The following CSMD1 variants were observed in gnomAD, a reference collection of about 807,000 sequenced individuals.
The protein encoded by CSMD1 is CUB and sushi domain-containing protein 1.
In CSMD1, 213 loss-of-function variants were observed where a neutral mutation model predicts 417.5. The observed-to-expected ratio is 0.51, with a 90% CI of 0.46 to 0.57. CSMD1 has a LOEUF of 0.57. Ranked by LOEUF, CSMD1 falls within the 20% of genes least tolerant of loss-of-function variation. The pLI is 0.00. For synonymous variants in CSMD1, 2,862 were observed against 1,736.8 expected (o/e 1.65, Z -16.11); for missense variants, 6,923 against 4,529.7 (o/e 1.53, Z -15.17).
chr8:3,259,391 G>A (rs866747477), intron 26 of CSMD1, among the ~76,000 whole-genome samples: 3 of 151,740 alleles, frequency 2.0e-5, no homozygotes, highest in Non-Finnish European at 4.4e-5. Context: ...GCAGGTTTAC[G>A]GACACTCAGT....
chr8:4,879,634 G>C (rs1803270133), intron 1 of CSMD1, among the ~76,000 whole-genome samples: 1 of 151,954 alleles, frequency 6.6e-6, no homozygotes. Context: ...CAGTTAAAGA[G>C]CCAGAATAGG....
At chr8:3,153,606 G>C (rs536892639) in intron 39 of CSMD1, among the ~76,000 whole-genome samples, 1 of 152,294 alleles carries the variant, frequency 6.6e-6, no homozygotes, top group African/African-American at 2.4e-5. Context: ...TTTGATTTTA[G>C]CATGATTTTC....
Position 3,175,479 on chromosome 8 carries a change from TCCTTCCTG to T in CSMD1, c.5725+5623_5725+5630del, listed in dbSNP as rs1554451317. 8.3e-4 allele frequency among the ~76,000 whole-genome samples: 23 copies of T among 27,686 alleles called. 1 individual carries two copies. Among genetic ancestry groups the T allele is most frequent in the African/African-American group, 1.8e-3 (20 of 10,936 alleles). The allele number at this position is 27,686 out of a possible 152,430, so 18.2% of individuals were successfully genotyped here. A position where few individuals can be genotyped will look rare whatever the true frequency, so the allele number is the denominator to read the frequency against. Reference sequence around the variant, plus strand: ...CCTTCTTTCCTTCCTTCTTTTCCCTTCCTTCCTGCCTGCCTGCCTGCCTGCCTGCCTTT... The same window carrying T: ...CCTTCTTTCCTTCCTTCTTTTCCCTTCCTGCCTGCCTGCCTGCCTGCCTTT... On this transcript the variant is annotated intron_variant, in intron 37 of 69. Coordinates refer to ENST00000635120, the MANE Select transcript of CSMD1 (RefSeq NM_033225.6).
chr8:4,427,598 C>G (rs1371528274), intron 2 of CSMD1, among the ~76,000 whole-genome samples: 1 of 152,064 alleles, frequency 6.6e-6, no homozygotes, highest in African/African-American at 2.4e-5. Flanking sequence ...TGGAGAGAGA[C>G]TCGAAGTAAA....
At position 2,978,731 on chromosome 8, in the gene CSMD1, C is replaced by G; in HGVS notation, c.8447G>C (p.Ser2816Thr). 6.2e-7 allele frequency: 1 copy of G among 1,613,530 alleles called. No homozygotes were observed. The highest frequency in any genetic ancestry group is 1.1e-5 in the South Asian group (1 of 90,882). The change falls in exon 55 of 70, where the codon AGT (serine) becomes ACT (threonine). Residue 2816 changes from serine (S) to threonine (T), a missense_variant. By Grantham distance (58) the Ser-to-Thr change is moderately conservative (BLOSUM62 1). Transcript: ENST00000635120. ...IRHGQQNFPESFEYGMSILYH... is the reference protein window; with the variant it reads ...IRHGQQNFPETFEYGMSILYH... ...CAGGATACTCATTCCATACTCAAAA[C>G]TCTCAGGGAAGTTCTGTTGCCCGTG... is the stretch of plus-strand genomic sequence containing the variant.
chr8:4,533,625 G>C (rs1796950034), intron 2 of CSMD1, among the ~76,000 whole-genome samples: 1 of 151,916 alleles, frequency 6.6e-6, no homozygotes, highest in Admixed American at 6.6e-5. Flanking sequence ...ACCCACTAAT[G>C]ATGAAGATCT....
At chr8:3,352,671 C>G (rs1808495240) in intron 21 of CSMD1, among the ~76,000 whole-genome samples, 1 of 152,130 alleles carries the variant, frequency 6.6e-6, no homozygotes, top group African/African-American at 2.4e-5. Flanking sequence ...GAAACCCTAT[C>G]TCTATTAAAA....
chr8:4,876,315 G>A (rs867331540), intron 1 of CSMD1, among the ~76,000 whole-genome samples: 1 of 151,932 alleles, frequency 6.6e-6, no homozygotes. Context: ...TGGTATTCAT[G>A]GGCAACAGAA....
At chr8:4,110,420 A>C (rs1801790565) in intron 3 of CSMD1, among the ~76,000 whole-genome samples, 1 of 152,146 alleles carries the variant, frequency 6.6e-6, no homozygotes, top group Non-Finnish European at 1.5e-5. Context: ...AGTACTCTGG[A>C]AATCTACATT....
rs1810276215 is a variant in CSMD1 at position 3,933,255 on chromosome 8, T to A, written c.818+64648A>T. Among the ~76,000 whole-genome samples, 5 of 152,334 alleles carry A rather than the reference T, an allele frequency of 3.3e-5. No homozygotes were observed. In the South Asian group the frequency reaches 1.0e-3, roughly 32 times the overall value. On this transcript the variant is annotated intron_variant, in intron 5 of 69. Coordinates refer to ENST00000635120, the MANE Select transcript of CSMD1 (RefSeq NM_033225.6). ...AAGAAACAAGATTTAGAGTACGTGT[T>A]AAATTGACTAATCTAAAATATTTTG...
At chr8:3,736,598 C>T (rs1473014051) in intron 6 of CSMD1, among the ~76,000 whole-genome samples, 3 of 152,128 alleles carry the variant, frequency 2.0e-5, no homozygotes, top group Non-Finnish European at 1.5e-5. Context: ...GGCCCTGGCT[C>T]CTGCAACACC....
intron 5 of CSMD1, among the ~76,000 whole-genome samples, chr8:3,888,414 T>G (rs890311024): frequency 2.6e-5 from 4 of 152,270 alleles, no homozygotes; most frequent in African/African-American, 7.2e-5. Flanking sequence ...ACGGAAACCT[T>G]TTTTTACCTT....
chr8:4,196,139 A>AG (rs1799327592), intron 3 of CSMD1, among the ~76,000 whole-genome samples: 7 of 152,048 alleles, frequency 4.6e-5, no homozygotes, highest in Admixed American at 2.6e-4. Context: ...TGAACCCGGG[A>AG]AGTGGAGCTT....
At chr8:4,672,927 T>C (rs1477278961) in intron 1 of CSMD1, among the ~76,000 whole-genome samples, 2 of 151,568 alleles carry the variant, frequency 1.3e-5, no homozygotes, top group Non-Finnish European at 2.9e-5. Context: ...CATGGCGACA[T>C]ACACATGCAT....
chr8:4,265,338 G>C (rs1409363740), intron 3 of CSMD1, among the ~76,000 whole-genome samples: 8 of 151,786 alleles, frequency 5.3e-5, no homozygotes, highest in African/African-American at 1.4e-4. Flanking sequence ...TCAGCATTTT[G>C]GTGAATGATC....
chr8:4,257,000 C>G (rs1803506933), intron 3 of CSMD1, among the ~76,000 whole-genome samples: 1 of 152,234 alleles, frequency 6.6e-6, no homozygotes, highest in African/African-American at 2.4e-5. Flanking sequence ...TATGTAACTT[C>G]CAAATGATGC....
intron 5 of CSMD1, among the ~76,000 whole-genome samples, chr8:3,926,096 C>CACACACAAACACCAT (rs1554488620): frequency 3.1e-4 from 25 of 81,136 alleles, no homozygotes; most frequent in African/African-American, 1.1e-3. Flanking sequence ...CACACACACA[C>CACACACAAACACCAT]ACACACACAC....
chr8:4,236,010 G>A (rs899521514), intron 3 of CSMD1, among the ~76,000 whole-genome samples: 3 of 138,888 alleles, frequency 2.2e-5, no homozygotes, highest in Non-Finnish European at 4.6e-5. Flanking sequence ...TGTGAGCAAA[G>A]AGGTTAATGG....
intron 1 of CSMD1, among the ~76,000 whole-genome samples, chr8:4,696,806 T>A (rs113575671): frequency 5.2e-4 from 79 of 152,302 alleles, no homozygotes; most frequent in South Asian, 1.2e-3. Flanking sequence ...TTACACAAAT[T>A]TATTAAATTT....
Sources: gnomAD v4.1 joint callset for allele counts (sites outside exome capture counted in the v4.1 genomes callset) on GRCh38, gnomAD v4.1.1 for gene constraint, MANE v1.5 for transcripts, NCBI Gene and HGNC (gene_info 2026-07-23, HGNC 2026-07-21) for gene names.